Variants in RICTOR observed in about 807,000 individuals in gnomAD.
RICTOR encodes the protein rapamycin-insensitive companion of mTOR.
RICTOR carries 49 observed loss-of-function variants against 214.9 expected under a neutral mutation model. The ratio of observed to expected loss-of-function variants is 0.23; its 90% CI spans 0.18 to 0.29. The LOEUF (loss-of-function observed/expected upper bound fraction) is 0.29, where lower values mean the gene tolerates loss of function less well. Ranked by LOEUF, RICTOR falls within the 10% of genes least tolerant of loss-of-function variation. The probability of loss-of-function intolerance (pLI) is 1.00; values close to 1 mark genes in which losing one functional copy is unlikely to be tolerated. For synonymous variants in RICTOR, 717 were observed against 711.3 expected (o/e 1.01, Z -0.13); for missense variants, 1,625 against 2,047.0 (o/e 0.79, Z 3.98).
At chr5:39,012,830 T>C (rs1159577516) in intron 3 of RICTOR, among the ~76,000 whole-genome samples, 1 of 152,176 alleles carries the variant, frequency 6.6e-6, no homozygotes, top group Non-Finnish European at 1.5e-5. Flanking sequence ...ATGCCATCCA[T>C]GCATTTTTTT....
In RICTOR at chr5:38,962,555, C is replaced by T. The variant is rs929316575; in HGVS notation, c.1598G>A (p.Arg533Lys). The T allele has an allele frequency of 5.1e-6, 8 of 1,575,706 alleles. No individual in the cohort carries two copies. The highest frequency in any genetic ancestry group is 6.1e-6 in the Non-Finnish European group (7 of 1,156,600). ...TTTATGTTGAAGGACTTGGCTATCTCTAAGGTTAATTAAAAGAGCTTCCTC... is the reference window on the plus strand; with the variant it reads ...TTTATGTTGAAGGACTTGGCTATCTTTAAGGTTAATTAAAAGAGCTTCCTC... ...DTEEALLINL[R>K]DSQVLQHKEN... is the part of the protein sequence containing the mutation. The change falls in exon 18 of 38, where the codon AGA becomes AAA. Residue 533 changes from arginine to lysine, a missense_variant. Physicochemically the swap from Arg to Lys is conservative, Grantham distance 26 (BLOSUM62 2). Coordinates refer to ENST00000357387, the MANE Select transcript of RICTOR (RefSeq NM_152756.5).
At chr5:39,018,129 T>C (rs919207656) in intron 3 of RICTOR, among the ~76,000 whole-genome samples, 1 of 152,132 alleles carries the variant, frequency 6.6e-6, no homozygotes, top group African/African-American at 2.4e-5. Context: ...TTTTAGTGTT[T>C]GCATGAATTG....
intron 2 of RICTOR, among the ~76,000 whole-genome samples, chr5:39,046,672 C>G (rs1757523583): frequency 6.6e-6 from 1 of 152,152 alleles, no homozygotes; most frequent in Non-Finnish European, 1.5e-5. Context: ...GTGGTTTCTG[C>G]AACTACACTG....
At chr5:38,975,718 ATAAAAT>A in intron 9 of RICTOR, 114 bp from the exon 10 acceptor site, 1 of 638,384 alleles carries the variant, frequency 1.6e-6, no homozygotes, top group South Asian at 2.3e-5. Flanking sequence ...ACATTTACAC[ATAAAAT>A]TAAAACAAGA....
At chr5:38,985,407 T>G (rs1437240584) in intron 7 of RICTOR, among the ~76,000 whole-genome samples, 1 of 152,210 alleles carries the variant, frequency 6.6e-6, no homozygotes, top group Non-Finnish European at 1.5e-5. Flanking sequence ...TCCACAGATG[T>G]GGAAGCTGTG....
chr5:39,043,111 C>T (rs80198863), intron 2 of RICTOR, among the ~76,000 whole-genome samples: 2,893 of 152,122 alleles, frequency 0.019, 45 homozygotes, highest in Middle Eastern at 0.041. Flanking sequence ...CCAGCAATTC[C>T]ACTACTAGGT....
At chr5:39,049,025 C>G (rs1327841374) in intron 2 of RICTOR, among the ~76,000 whole-genome samples, 2 of 152,090 alleles carry the variant, frequency 1.3e-5, no homozygotes, top group African/African-American at 4.8e-5. Context: ...CTGAAGCCAC[C>G]ACATGTGACT....
rs530813683 is a variant in RICTOR, at chr5:38,978,772, T to C, written c.754-122A>G. On this transcript the variant is annotated intron_variant, in intron 8 of 37. Transcript: ENST00000357387. The stretch of plus-strand genomic sequence containing the variant: ...ATGGGTTTACTGCTTGGGGGACTTA[T>C]TTCTTCTAACTCATCATCAGGGAAT... The C allele has an allele frequency of 3.7e-5, 19 of 508,480 alleles. No individual in the cohort carries two copies. The South Asian group carries it at 4.6e-4, about 12-fold the overall frequency. 31.5% of individuals were successfully genotyped at this position (508,480 alleles called of 1,614,324 possible).
chr5:38,990,648 G>GAT (rs773521918), intron 7 of RICTOR, among the ~76,000 whole-genome samples: 1 of 48,028 alleles, frequency 2.1e-5, no homozygotes, highest in African/African-American at 7.0e-5. Context: ...ACATATATCA[G>GAT]ATATATGATA....
rs368731007 is a variant in RICTOR, at chr5:39,049,292, GAAA to G, written c.97+24816_97+24818del. 7.5e-5 allele frequency among the ~76,000 whole-genome samples: 11 copies of G among 147,414 alleles called. 1 individual carries two copies. In the South Asian group the frequency reaches 2.3e-3, roughly 31 times the overall value. On this transcript the variant is annotated intron_variant, in intron 2 of 37. Transcript: ENST00000357387. The stretch of plus-strand genomic sequence containing the variant: ...AATAAGCCATTATAAACAGAAACAA[GAAA>G]AAAAAAGATATAAAAAGACTAAAAA...
chr5:39,038,013 C>T (rs1756865948), intron 2 of RICTOR, among the ~76,000 whole-genome samples: 1 of 152,080 alleles, frequency 6.6e-6, no homozygotes, highest in African/African-American at 2.4e-5. Flanking sequence ...AGAGACACAA[C>T]CAAAAAGGAG....
Position 38,945,612 on chromosome 5 carries a change from T to G in RICTOR, c.4512A>C (p.Leu1504Phe). 6.2e-7 allele frequency: 1 copy of G among 1,613,184 alleles called. No individual in the cohort carries two copies. Among genetic ancestry groups the G allele is most frequent in the South Asian group, 1.1e-5 (1 of 91,062 alleles). The change falls in exon 34 of 38, where the codon TTA becomes TTC. Residue 1504 changes from leucine to phenylalanine, a missense_variant. By Grantham distance (22) the Leu-to-Phe change is conservative. Around this residue, in one of 5 missense-constraint regions of RICTOR, gnomAD observed 1,214 missense variants for 1,470.5 expected, o/e 0.83. Transcript: ENST00000357387. ...NSIHSDASLF[L>F]ESTEDTGLQE... ...GTAGTCCAGTGTCTTCTGTACTTTCTAAAAACAGAGAGGCATCTGAATGGA... is the reference window on the plus strand; with the variant it reads ...GTAGTCCAGTGTCTTCTGTACTTTCGAAAAACAGAGAGGCATCTGAATGGA...
chr5:38,945,423 T>C (rs918474331), intron 34 of RICTOR, 68 bp downstream of exon 34: 7 of 1,092,224 alleles, frequency 6.4e-6, no homozygotes, highest in African/African-American at 1.6e-5. Flanking sequence ...AAAAAGAAAT[T>C]TGGAAAAGTA....
At position 38,939,458 on chromosome 5, in the gene RICTOR, C is replaced by A; in HGVS notation, c.*2846G>T. On this transcript the variant is annotated 3_prime_UTR_variant, in exon 38 of 38. Transcript: ENST00000357387. ...TTTAATTAGGGAGAACAGACTGTTT[C>A]CCCCTTCCAATCTACCTAAGAATAA... is the stretch of plus-strand genomic sequence containing the variant. 4.3e-6 allele frequency: 1 copy of A among 232,134 alleles called. No individual in the cohort carries two copies. Among genetic ancestry groups the A allele is most frequent in the Non-Finnish European group, 8.5e-6 (1 of 117,432 alleles). The allele number at this position is 232,134 out of a possible 1,614,324, so 14.4% of individuals were successfully genotyped here.
intron 5 of RICTOR, among the ~76,000 whole-genome samples, chr5:38,998,771 T>C (rs1424195953): frequency 6.6e-6 from 1 of 151,744 alleles, no homozygotes; most frequent in Non-Finnish European, 1.5e-5. Flanking sequence ...TCCTAGCATT[T>C]TGGGAGGCAG....
chr5:38,993,763 C>A (rs1752956146), intron 6 of RICTOR, among the ~76,000 whole-genome samples: 1 of 152,058 alleles, frequency 6.6e-6, no homozygotes, highest in Non-Finnish European at 1.5e-5. Context: ...ATCCAAAATG[C>A]TCCAAAATCA....
intron 2 of RICTOR, among the ~76,000 whole-genome samples, chr5:39,045,854 T>C (rs982689724): frequency 6.6e-6 from 1 of 152,092 alleles, no homozygotes; most frequent in African/African-American, 2.4e-5. Context: ...ACCTTGGCTG[T>C]AGGACACTAG....
Position 38,950,347 on chromosome 5 carries a change from C to T in RICTOR, c.3501G>A (p.Lys1167=), listed in dbSNP as rs746073552. The T allele has an allele frequency of 1.8e-5, 29 of 1,613,202 alleles. 1 individual carries two copies. In the South Asian group the frequency reaches 2.6e-4, roughly 15 times the overall value. The stretch of plus-strand genomic sequence containing the variant: ...GTGTACTACCAGTGTCTTCAATGTG[C>T]TTATTCCCCATAAATGAAGTCTCTA... ...LQLETSFMGN[K]HIEDTGSTPS... The change falls in exon 31 of 38, where the codon AAG becomes AAA. Residue 1167 remains lysine (K), a synonymous_variant. Coordinates refer to ENST00000357387, the MANE Select transcript of RICTOR (RefSeq NM_152756.5).
intron 2 of RICTOR, among the ~76,000 whole-genome samples, chr5:39,056,079 G>C (rs1465565663): frequency 2.0e-5 from 3 of 152,142 alleles, no homozygotes; most frequent in African/African-American, 7.2e-5. Context: ...AAACATATTA[G>C]GTTTGATGTA....
Sources: gnomAD v4.1 joint callset for allele counts (sites outside exome capture counted in the v4.1 genomes callset) on GRCh38, gnomAD v4.1.1 for gene constraint, gnomAD v4.1.1 regional missense constraint, MANE v1.5 for transcripts, NCBI Gene and HGNC (gene_info 2026-07-23, HGNC 2026-07-21) for gene names.